The following RBPJ variants were observed in gnomAD, a reference collection of about 807,000 sequenced individuals.
The protein encoded by RBPJ is recombination signal binding protein for immunoglobulin kappa J region.
A neutral mutation model predicts 67.8 loss-of-function variants in RBPJ; 9 were observed. The ratio of observed to expected loss-of-function variants is 0.13; its 90% confidence interval spans 0.08 to 0.23. RBPJ has a LOEUF of 0.23. Among genes scored for constraint, RBPJ ranks in the 10% least tolerant of loss-of-function variants. RBPJ has a pLI of 1.00. For missense variants in RBPJ, 305 were observed against 595.6 expected, an observed-to-expected ratio of 0.51 and a Z score of 5.08; for synonymous variants, 198 against 203.3, an observed-to-expected ratio of 0.97 and a Z score of 0.22.
At chr4:26,401,027 C>CA (rs1362268058) in intron 2 of RBPJ, among the ~76,000 whole-genome samples, 1 of 152,224 alleles carries the variant, frequency 6.6e-6, no homozygotes, top group Non-Finnish European at 1.5e-5. Context: ...CTCAAAGCCT[C>CA]AGTGGAAGTC....
intron 1 of RBPJ, among the ~76,000 whole-genome samples, chr4:26,216,526 G>C (rs1718727282): frequency 6.6e-6 from 1 of 152,174 alleles, no homozygotes; most frequent in Admixed American, 6.5e-5. Flanking sequence ...TGAAGCCAGA[G>C]GGGTGGGGTT....
chr4:26,116,934 G>T, the RBPJ span, among the ~76,000 whole-genome samples: 1 of 152,202 alleles, frequency 6.6e-6, no homozygotes, highest in East Asian at 1.9e-4. Context: ...AGATGCACGG[G>T]AACCTTTGTG....
chr4:26,324,513 A>G (rs1430359309), intron 1 of RBPJ, among the ~76,000 whole-genome samples: 1 of 151,976 alleles, frequency 6.6e-6, no homozygotes, highest in Non-Finnish European at 1.5e-5. Context: ...TTCTGCATGT[A>G]GCAATATTCT....
At chr4:26,115,720 C>G in the RBPJ span, among the ~76,000 whole-genome samples, 1 of 152,178 alleles carries the variant, frequency 6.6e-6, no homozygotes, top group Admixed American at 6.5e-5. Context: ...TTGCCTCTGA[C>G]TGTTTGCTGG....
At chr4:26,212,395 C>A (rs1718455116) in intron 1 of RBPJ, among the ~76,000 whole-genome samples, 1 of 150,334 alleles carries the variant, frequency 6.7e-6, no homozygotes, top group Non-Finnish European at 1.5e-5. Flanking sequence ...AACAGATTCT[C>A]CCTTTCTCAT....
chr4:26,394,306 C>T (rs1477070288), intron 2 of RBPJ, among the ~76,000 whole-genome samples: 1 of 152,064 alleles, frequency 6.6e-6, no homozygotes, highest in Non-Finnish European at 1.5e-5. Context: ...GGATTACAGG[C>T]GTGAGCCACC....
At chr4:26,213,173 G>A (rs1718493394) in intron 1 of RBPJ, among the ~76,000 whole-genome samples, 1 of 152,180 alleles carries the variant, frequency 6.6e-6, no homozygotes, top group African/African-American at 2.4e-5. Flanking sequence ...CTTGAAGTCA[G>A]TAGGTCAGAA....
intron 1 of RBPJ, among the ~76,000 whole-genome samples, chr4:26,168,274 A>G (rs1368945528): frequency 6.6e-6 from 1 of 152,000 alleles, no homozygotes; most frequent in Non-Finnish European, 1.5e-5. Flanking sequence ...CCTGGTGGTG[A>G]CAAAATCTCT....
intron 2 of RBPJ, among the ~76,000 whole-genome samples, chr4:26,392,525 T>C (rs546797582): frequency 1.3e-5 from 2 of 152,304 alleles, no homozygotes; most frequent in Admixed American, 1.3e-4. Context: ...AGATGGATCT[T>C]AAAATAATTA....
upstream of RBPJ, among the ~76,000 whole-genome samples, chr4:26,161,802 C>T (rs115726669): frequency 2.2e-3 from 334 of 152,330 alleles, 2 homozygotes; most frequent in African/African-American, 7.4e-3. Context: ...TCAGCACAGA[C>T]GTCCTGTGGT....
At chr4:26,109,411 CCTCTCTCTCTCTCCCT>C in the RBPJ span, among the ~76,000 whole-genome samples, 463 of 48,694 alleles carry the variant, frequency 9.5e-3, 86 homozygotes, top group African/African-American at 0.015. Flanking sequence ...TGTCCACCTT[CCTCTCTCTCTCTCCCT>C]CTCTCTCTCT....
intron 1 of RBPJ, among the ~76,000 whole-genome samples, chr4:26,214,623 A>AG (rs1718572642): frequency 2.1e-5 from 2 of 95,898 alleles, no homozygotes; most frequent in African/African-American, 1.0e-4. Flanking sequence ...TGAAAAAGAA[A>AG]AAAGAGAAAG....
In RBPJ at chr4:26,420,719, G is replaced by A. The variant is rs771155134; in HGVS notation, c.490G>A (p.Ala164Thr). Reference protein sequence around the residue: ...PSKKKQSLKNADLCIASGTKV... With the variant: ...PSKKKQSLKNTDLCIASGTKV... Reference sequence around the variant, plus strand: ...CAAAAAGAAGCAGTCATTGAAAAATGCTGACTGTATGTATGCTTTTCTTAT... The same window carrying A: ...CAAAAAGAAGCAGTCATTGAAAAATACTGACTGTATGTATGCTTTTCTTAT... The change falls in exon 5 of 11, where the codon GCT becomes ACT. Residue 164 changes from alanine (A) to threonine (T), a missense_variant. This residue lies in a region of RBPJ where 66 missense variants were observed against 226.0 expected (regional missense o/e 0.29). Transcript: ENST00000355476. 1 of 1,610,148 alleles carries A rather than the reference G, an allele frequency of 6.2e-7. No homozygotes were observed. Among genetic ancestry groups the A allele is most frequent in the African/African-American group, 1.3e-5 (1 of 74,736 alleles).
At chr4:26,312,496 C>T (rs1722466740) in intron 1 of RBPJ, among the ~76,000 whole-genome samples, 1 of 152,166 alleles carries the variant, frequency 6.6e-6, no homozygotes, top group Admixed American at 6.6e-5. Context: ...AACCCCCCAC[C>T]TGGAGTTCCC....
chr4:26,309,205 T>G (rs1021015701), intron 1 of RBPJ, among the ~76,000 whole-genome samples: 1 of 152,098 alleles, frequency 6.6e-6, no homozygotes, highest in Admixed American at 6.6e-5. Context: ...TTTGTAGATA[T>G]GGGGTTGTCC....
chr4:26,149,677 C>A, the RBPJ span, among the ~76,000 whole-genome samples: 1 of 152,228 alleles, frequency 6.6e-6, no homozygotes, highest in Non-Finnish European at 1.5e-5. Context: ...GATGACACAG[C>A]AAGAAGGCCC....
chr4:26,347,034 A>G (rs967924070), intron 1 of RBPJ, among the ~76,000 whole-genome samples: 2 of 152,116 alleles, frequency 1.3e-5, no homozygotes, highest in Admixed American at 1.3e-4. Context: ...GTCAAGAAGG[A>G]AAAAAATTCT....
At chr4:26,114,301 G>A in the RBPJ span, among the ~76,000 whole-genome samples, 1 of 151,716 alleles carries the variant, frequency 6.6e-6, no homozygotes, top group African/African-American at 2.4e-5. Flanking sequence ...TCTACTAAAA[G>A]TACAAAAATT....
At chr4:26,108,049 C>T in the RBPJ span, among the ~76,000 whole-genome samples, 2 of 152,194 alleles carry the variant, frequency 1.3e-5, no homozygotes, top group African/African-American at 4.8e-5. Flanking sequence ...TTTTATGTCT[C>T]TCCTCATCCA....
Sources: gnomAD v4.1 joint callset for allele counts (sites outside exome capture counted in the v4.1 genomes callset) on GRCh38, gnomAD v4.1.1 for gene constraint, gnomAD v4.1.1 regional missense constraint, MANE v1.5 for transcripts, NCBI Gene and HGNC (gene_info 2026-07-23, HGNC 2026-07-21) for gene names.